KCNT1: variants seen among roughly 807,000 people sequenced by gnomAD.
KCNT1 encodes potassium sodium-activated channel subfamily T member 1, also known as potassium channel subfamily T member 1.
In KCNT1, 78 loss-of-function variants were observed where a neutral mutation model predicts 147.8. That is an observed-to-expected ratio of 0.53 (90% CI 0.44 to 0.64). The LOEUF is 0.64. Among genes scored for constraint, KCNT1 ranks in the 30% least tolerant of loss-of-function variants. The pLI is 0.00. For missense variants in KCNT1, 1,419 were observed against 1,750.3 expected (o/e 0.81, Z 3.38); for synonymous variants, 867 against 748.8 (o/e 1.16, Z -2.58).
chr9:135,754,663 G>C (rs1360591883), intron 5 of KCNT1, among the ~76,000 whole-genome samples: 1 of 152,238 alleles, frequency 6.6e-6, no homozygotes, highest in African/African-American at 2.4e-5. Context: ...GGGAAACCCA[G>C]GGGGCTGTGG....
intron 1 of KCNT1, among the ~76,000 whole-genome samples, chr9:135,707,835 G>A (rs535513205): frequency 1.3e-5 from 2 of 152,308 alleles, no homozygotes; most frequent in South Asian, 4.1e-4. Context: ...AAGTCTGTCT[G>A]GATAAATCTA....
chr9:135,742,264 C>T lies in KCNT1; in HGVS notation c.255-7834C>T, dbSNP rs112804302. ...GGGAGTGGAGACAAGGGGACAGCCTCGCAGACCTCGGCATGAGGTGGAGCT... is the reference window on the plus strand; with the variant it reads ...GGGAGTGGAGACAAGGGGACAGCCTTGCAGACCTCGGCATGAGGTGGAGCT... On this transcript the variant is annotated intron_variant, in intron 2 of 30. Transcript: ENST00000371757. 3.1e-3 allele frequency among the ~76,000 whole-genome samples: 472 copies of T among 152,324 alleles called. 2 individuals are homozygous for T. The highest frequency in any genetic ancestry group is 0.023 in the South Asian group (109 of 4,830).
At chr9:135,751,114 A>G (rs1232844075) in intron 4 of KCNT1, 73 bp downstream of exon 4, 7 of 1,384,304 alleles carry the variant, frequency 5.1e-6, no homozygotes, top group Non-Finnish European at 1.0e-6. Flanking sequence ...CCGTTACAGA[A>G]GCTGATGGCG....
intron 18 of KCNT1, among the ~76,000 whole-genome samples, chr9:135,771,933 G>A (rs982657302): frequency 1.3e-5 from 2 of 152,220 alleles, no homozygotes; most frequent in African/African-American, 2.4e-5. Flanking sequence ...ACCCTGGGGT[G>A]TTGTTACACG....
intron 2 of KCNT1, among the ~76,000 whole-genome samples, chr9:135,722,788 C>T (rs184837737): frequency 4.4e-4 from 67 of 152,288 alleles, no homozygotes; most frequent in African/African-American, 1.5e-3. Flanking sequence ...GCTCCCATCC[C>T]GAGGCCCCAC....
intron 10 of KCNT1, 80 bp from the exon 11 acceptor site, chr9:135,759,599 G>C: frequency 6.8e-7 from 1 of 1,461,960 alleles, no homozygotes; most frequent in Non-Finnish European, 9.1e-7. Flanking sequence ...TGAGGGTCCC[G>C]TGGGCAGGCA....
At chr9:135,711,699 T>C (rs568833522) in intron 1 of KCNT1, among the ~76,000 whole-genome samples, 31 of 152,340 alleles carry the variant, frequency 2.0e-4, no homozygotes, top group African/African-American at 7.0e-4. Flanking sequence ...GCCTCGCTCA[T>C]TCTTGGCCTC....
chr9:135,712,741 G>C (rs1192526848), intron 1 of KCNT1, among the ~76,000 whole-genome samples: 1 of 152,188 alleles, frequency 6.6e-6, no homozygotes, highest in Non-Finnish European at 1.5e-5. Context: ...AAGGATTTTA[G>C]CCCCGGCCCT....
chr9:135,750,937 C>T lies in KCNT1; in HGVS notation c.335-5C>T, dbSNP rs745658927. 5.8e-5 allele frequency: 93 copies of T among 1,612,690 alleles called. No individual in the cohort carries two copies. Among genetic ancestry groups the T allele is most frequent in the South Asian group, 8.8e-5 (8 of 91,088 alleles). On this transcript the variant is annotated splice_polypyrimidine_tract_variant and splice_region_variant and intron_variant, in intron 3 of 30. Coordinates refer to ENST00000371757, the MANE Select transcript of KCNT1 (RefSeq NM_020822.3). ...AGAGCCCTGAGGCCGCTGCCCTCCC[C>T]GCAGGCCTGAGGATCCGGCTGTTCA...
In KCNT1 at chr9:135,731,991, T is replaced by TATAG. The variant is rs1276318460; in HGVS notation, c.254+17272_254+17273insTAGA. Among the ~76,000 whole-genome samples the TATAG allele has an allele frequency of 9.2e-4, 20 of 21,724 alleles. 1 individual carries two copies. Among genetic ancestry groups the TATAG allele is most frequent in the South Asian group, 4.4e-3 (2 of 454 alleles). 14.3% of individuals were successfully genotyped at this position (21,724 alleles called of 152,430 possible). ...ATATATATATATATATATATATATA[T>TATAG]AGAGAGAGAGAGAGAGAGAGAGAGA... On this transcript the variant is annotated intron_variant, in intron 2 of 30. Transcript: ENST00000371757.
rs762025166 is a variant in KCNT1 at position 135,792,061 on chromosome 9, C to T, written c.3608C>T (p.Pro1203Leu). 3.1e-6 allele frequency: 5 copies of T among 1,604,464 alleles called. No individual in the cohort carries two copies. The Admixed American group carries it at 5.0e-5, about 16-fold the overall frequency. ...CGCAGCTATCTCATCCGCTCCGACC[C>T]CCTGGCTCACGTGGCCAGCAGCTCC... ...SDIVYLIRSD[P>L]LAHVASSSQS... Residue 1203 changes from proline (P) to leucine (L), a missense_variant, in exon 31 of 31, where the codon CCC becomes CTC. Coordinates refer to ENST00000371757, the MANE Select transcript of KCNT1 (RefSeq NM_020822.3).
rs773520283 is a variant in KCNT1 at position 135,786,444 on chromosome 9, G to A, written c.3425G>A (p.Arg1142Gln). 17 of 1,597,436 alleles carry A rather than the reference G, an allele frequency of 1.1e-5. No individual in the cohort carries two copies. The highest frequency in any genetic ancestry group is 4.5e-5 in the South Asian group (4 of 89,278). The change falls in exon 29 of 31, where the codon CGG becomes CAG. Residue 1142 changes from arginine (R) to glutamine (Q), a missense_variant. Transcript: ENST00000371757. ...AGCCAGCAGCGCCTCAGCCTGTACC[G>A]GCGCTCTGAGCGCCAGGAGCTCTCC... The part of the protein sequence containing the change: ...WISQQRLSLY[R>Q]RSERQELSEL...
intron 1 of KCNT1, among the ~76,000 whole-genome samples, chr9:135,708,960 A>G (rs1429320096): frequency 6.6e-6 from 1 of 152,220 alleles, no homozygotes; most frequent in Non-Finnish European, 1.5e-5. Context: ...GGGCAGAAAT[A>G]AGGGCCTGGT....
At chr9:135,758,533 C>A in intron 10 of KCNT1, 25 bp downstream of exon 10, 1 of 1,591,150 alleles carries the variant, frequency 6.3e-7, no homozygotes, top group South Asian at 1.1e-5. Flanking sequence ...TCAGTGTGAG[C>A]ACCCCAGGAC....
Position 135,769,929 on chromosome 9 carries a change from C to A in KCNT1, c.1511-18C>A, listed in dbSNP as rs763150708. Reference sequence around the variant, plus strand: ...CCGGCAGAGCGGCAGGTGGACCGGCCTCCCCCACTGCCCGCAGACCACGTG... The same window carrying A: ...CCGGCAGAGCGGCAGGTGGACCGGCATCCCCCACTGCCCGCAGACCACGTG... On this transcript the variant is annotated intron_variant, in intron 15 of 30. Transcript: ENST00000371757. The A allele has an allele frequency of 7.8e-6, 12 of 1,537,368 alleles. No homozygotes were observed. The highest frequency in any genetic ancestry group is 1.8e-4 in the Middle Eastern group (1 of 5,628).
chr9:135,724,762 G>A (rs574668649), intron 2 of KCNT1, among the ~76,000 whole-genome samples: 85 of 152,346 alleles, frequency 5.6e-4, no homozygotes, highest in African/African-American at 1.8e-3. Context: ...CCCTAGCTCC[G>A]GCTGGGTCGG....
chr9:135,759,646 C>T, intron 10 of KCNT1, 33 bp from the exon 11 acceptor site: 1 of 1,567,132 alleles, frequency 6.4e-7, no homozygotes, highest in Non-Finnish European at 8.7e-7. Flanking sequence ...AGCTCCTGGG[C>T]CCCAGGCCGC....
intron 4 of KCNT1, among the ~76,000 whole-genome samples, chr9:135,753,467 C>G (rs1831305806): frequency 6.6e-6 from 1 of 152,134 alleles, no homozygotes; most frequent in African/African-American, 2.4e-5. Flanking sequence ...GGAGTCAGCA[C>G]CTGGGGATAG....
Position 135,752,123 on chromosome 9 carries a change from G to A in KCNT1, c.434+1082G>A. The A allele has an allele frequency of 3.1e-6, 1 of 324,146 alleles. No individual in the cohort carries two copies. Among genetic ancestry groups the A allele is most frequent in the Non-Finnish European group, 6.1e-6 (1 of 163,712 alleles). 20.1% of individuals were successfully genotyped at this position (324,146 alleles called of 1,614,324 possible). A position where few individuals can be genotyped will look rare whatever the true frequency, so the allele number is the denominator to read the frequency against. On this transcript the variant is annotated intron_variant, in intron 4 of 30. Transcript: ENST00000371757. This position sits in a 1 kb window ranked among gnomAD's most constrained non-coding sequence, Gnocchi z 5.1. ...GCTGAGGGGCTCTGCAGCCACGTGT[G>A]TGGTGTGGTTGTCACCATCCAGCCA...
Sources: gnomAD v4.1 joint callset for allele counts (sites outside exome capture counted in the v4.1 genomes callset) on GRCh38, gnomAD v4.1.1 for gene constraint, Gnocchi (gnomAD v3.1) non-coding constraint, MANE v1.5 for transcripts, NCBI Gene and HGNC (gene_info 2026-07-23, HGNC 2026-07-21) for gene names.